Variants in ERBIN observed in about 807,000 individuals in gnomAD.
The protein encoded by ERBIN is erbb2 interacting protein.
In ERBIN, 60 loss-of-function variants were observed where a neutral mutation model predicts 158.4. The observed-to-expected ratio is 0.38, with a 90% CI of 0.31 to 0.47. The LOEUF is 0.47. Ranked by LOEUF, ERBIN falls within the 20% of genes least tolerant of loss-of-function variation. The pLI is 0.99. For synonymous variants in ERBIN, 594 were observed against 557.2 expected (o/e 1.07, Z -0.93); for missense variants, 1,610 against 1,648.0 (o/e 0.98, Z 0.40).
chr5:65,985,470 G>A (rs1751124619), intron 1 of ERBIN, among the ~76,000 whole-genome samples: 1 of 152,238 alleles, frequency 6.6e-6, no homozygotes, highest in African/African-American at 2.4e-5. Context: ...AGAGGGTATA[G>A]TATCTGTATT....
rs7710942 is a variant in ERBIN at position 66,068,726 on chromosome 5, T to C, written c.3634-3443T>C. 0.014 allele frequency: 8,292 copies of C among 596,244 alleles called. 553 individuals carry two copies. The African/African-American group carries it at 0.14, about 10-fold the overall frequency. The allele number at this position is 596,244 out of a possible 1,614,324, so 36.9% of individuals were successfully genotyped here. ...TGTTGTCATATAAATACATGGTAAA[T>C]GGTTCCAATTTCTTTCACTAATGAA... On this transcript the variant is annotated intron_variant, in intron 21 of 25. Coordinates refer to ENST00000284037, the MANE Select transcript of ERBIN (RefSeq NM_001253697.2).
chr5:66,005,643 G>A (rs556933957), intron 4 of ERBIN, among the ~76,000 whole-genome samples: 7 of 152,260 alleles, frequency 4.6e-5, no homozygotes, highest in African/African-American at 1.7e-4. Flanking sequence ...TGTATATCTG[G>A]AAGACCCCAT....
chr5:65,983,449 C>G (rs550401311), intron 1 of ERBIN, among the ~76,000 whole-genome samples: 1 of 151,842 alleles, frequency 6.6e-6, no homozygotes, highest in East Asian at 1.9e-4. Context: ...TATCTTTATT[C>G]TTTTTCATAT....
intron 1 of ERBIN, among the ~76,000 whole-genome samples, chr5:65,973,225 G>A (rs886399715): frequency 6.6e-6 from 1 of 150,724 alleles, no homozygotes; most frequent in South Asian, 2.1e-4. Flanking sequence ...GACACAGGAA[G>A]GGGAACATCA....
At chr5:66,064,554 C>T (rs574683155) in intron 21 of ERBIN, among the ~76,000 whole-genome samples, 2 of 152,218 alleles carry the variant, frequency 1.3e-5, no homozygotes, top group African/African-American at 4.8e-5. Context: ...CTTTAAAAGC[C>T]TATCAGAAGA....
intron 1 of ERBIN, among the ~76,000 whole-genome samples, chr5:65,947,600 C>T (rs1174381578): frequency 6.6e-6 from 1 of 152,110 alleles, no homozygotes; most frequent in Non-Finnish European, 1.5e-5. Context: ...AACATAATTG[C>T]TGTGATAAAA....
intron 1 of ERBIN, among the ~76,000 whole-genome samples, chr5:65,950,912 A>G (rs1746423338): frequency 6.6e-6 from 1 of 152,274 alleles, no homozygotes; most frequent in East Asian, 1.9e-4. Flanking sequence ...GCCAGTAAAG[A>G]GTAGTAAAAA....
intron 5 of ERBIN, among the ~76,000 whole-genome samples, chr5:66,012,793 T>A (rs930013710): frequency 6.6e-6 from 1 of 152,250 alleles, no homozygotes; most frequent in Non-Finnish European, 1.5e-5. Flanking sequence ...GATCTTTACT[T>A]GTTTCATAAT....
At chr5:66,056,748 C>T (rs1364091029) in intron 21 of ERBIN, among the ~76,000 whole-genome samples, 1 of 152,130 alleles carries the variant, frequency 6.6e-6, no homozygotes, top group East Asian at 1.9e-4. Flanking sequence ...CTCCCATTTT[C>T]AAGGATATCA....
intron 1 of ERBIN, among the ~76,000 whole-genome samples, chr5:65,957,676 C>T (rs1489121067): frequency 6.6e-6 from 1 of 152,220 alleles, no homozygotes; most frequent in Non-Finnish European, 1.5e-5. Context: ...TCCCCCTTTT[C>T]TATTCGACAA....
intron 7 of ERBIN, 93 bp from the exon 8 acceptor site, chr5:66,021,229 T>C (rs1469705983): frequency 1.5e-5 from 10 of 657,464 alleles, no homozygotes; most frequent in Admixed American, 3.3e-5. Flanking sequence ...CATAAATAAT[T>C]ACCTATTCCA....
intron 21 of ERBIN, among the ~76,000 whole-genome samples, chr5:66,071,151 T>G (rs1761492042): frequency 6.6e-6 from 1 of 152,104 alleles, no homozygotes; most frequent in South Asian, 2.1e-4. Context: ...CCCAGGAATT[T>G]GACACCAGCC....
chr5:66,013,697 T>A, intron 6 of ERBIN, 59 bp downstream of exon 6: 1 of 1,124,654 alleles, frequency 8.9e-7, no homozygotes, highest in Non-Finnish European at 1.4e-6. Flanking sequence ...TTTACAAAAC[T>A]ATAAGCTGCT....
At chr5:65,934,676 T>G (rs1743866398) in intron 1 of ERBIN, among the ~76,000 whole-genome samples, 1 of 152,232 alleles carries the variant, frequency 6.6e-6, no homozygotes, top group Non-Finnish European at 1.5e-5. Flanking sequence ...AAGTTGTGGC[T>G]GCCAGACTTG....
At chr5:65,969,769 A>G (rs994395903) in intron 1 of ERBIN, among the ~76,000 whole-genome samples, 3 of 152,186 alleles carry the variant, frequency 2.0e-5, no homozygotes, top group Admixed American at 2.0e-4. Context: ...GCAAAAACAA[A>G]TAAAAACCAC....
At chr5:65,989,989 C>G (rs1751688557) in intron 2 of ERBIN, among the ~76,000 whole-genome samples, 1 of 152,130 alleles carries the variant, frequency 6.6e-6, no homozygotes, top group Non-Finnish European at 1.5e-5. Context: ...CGATTAAAAT[C>G]TTATTAGATG....
chr5:65,978,198 T>G (rs1750247336), intron 1 of ERBIN, among the ~76,000 whole-genome samples: 1 of 152,222 alleles, frequency 6.6e-6, no homozygotes. Flanking sequence ...CTTTATTTTA[T>G]GCAGTTTCAC....
At chr5:66,067,968 G>T (rs1054392179) in intron 21 of ERBIN, among the ~76,000 whole-genome samples, 16 of 151,952 alleles carry the variant, frequency 1.1e-4, no homozygotes, top group African/African-American at 1.9e-4. Flanking sequence ...AATTAAAAAG[G>T]GTATATCATA....
Position 66,028,415 on chromosome 5 carries a change from A to G in ERBIN, c.1206+72A>G, listed in dbSNP as rs367843789. 2.1e-5 allele frequency: 25 copies of G among 1,195,462 alleles called. No homozygotes were observed. In the African/African-American group the frequency reaches 2.6e-4, roughly 12 times the overall value. The allele number at this position is 1,195,462 out of a possible 1,614,324, so 74.1% of individuals were successfully genotyped here. On this transcript the variant is annotated intron_variant, in intron 14 of 25. Transcript: ENST00000284037. ...TATAGTTTTGCACTCCGATTTACAT[A>G]GGGTCATTTAAGAGCAGCTATACAT...
Sources: allele counts gnomAD v4.1 joint callset (sites outside exome capture counted in the v4.1 genomes callset), GRCh38; gene constraint gnomAD v4.1.1; transcripts MANE v1.5; gene names NCBI Gene and HGNC (gene_info 2026-07-23, HGNC 2026-07-21).